IQGAP3: variants seen among roughly 807,000 people sequenced by gnomAD.
IQGAP3 encodes the protein IQ motif containing GTPase activating protein 3.
A neutral mutation model predicts 208.2 loss-of-function variants in IQGAP3; 165 were observed. The ratio of observed to expected loss-of-function variants is 0.79; its 90% CI spans 0.70 to 0.90. The LOEUF is 0.90. Among genes scored for constraint, IQGAP3 ranks in the 40% least tolerant of loss-of-function variants. The pLI is 0.00. For missense variants in IQGAP3, 1,811 were observed against 2,043.1 expected, an observed-to-expected ratio of 0.89 and a Z score of 2.19; for synonymous variants, 703 against 803.6, an observed-to-expected ratio of 0.87 and a Z score of 2.12.
At chr1:156,543,847 A>G in intron 22 of IQGAP3, 134 bp downstream of exon 22, 2 of 748,224 alleles carry the variant, frequency 2.7e-6, no homozygotes, top group Non-Finnish European at 4.7e-6. Flanking sequence ...CTCCTGTTCC[A>G]TGCTCCTGCA....
At chr1:156,539,344 T>TC in intron 25 of IQGAP3, 30 bp downstream of exon 25, 1 of 1,604,746 alleles carries the variant, frequency 6.2e-7, no homozygotes, top group Non-Finnish European at 8.5e-7. Flanking sequence ...ACCCATTCTC[T>TC]CCCCATTCCT....
At chr1:156,568,020 A>G (rs577089964) in intron 2 of IQGAP3, among the ~76,000 whole-genome samples, 2 of 152,360 alleles carry the variant, frequency 1.3e-5, no homozygotes, top group East Asian at 3.9e-4. Flanking sequence ...CCCAGATTGA[A>G]CTTAGCATCA....
chr1:156,564,670 C>T lies in IQGAP3; in HGVS notation c.382G>A (p.Asp128Asn). The T allele has an allele frequency of 6.2e-7, 1 of 1,613,828 alleles. No individual in the cohort carries two copies. Among genetic ancestry groups the T allele is most frequent in the Non-Finnish European group, 8.5e-7 (1 of 1,179,840 alleles). The change falls in exon 5 of 38, where the codon GAC becomes AAC. Residue 128 changes from aspartate (D) to asparagine (N), a missense_variant. Transcript: ENST00000361170. ...LPSTFFPETT[D>N]IYDKKNMPRV... ...GGCATGTTCTTTTTGTCATAGATGT[C>T]CGTGGTCTCTGGGAAGAAGGTCTAG... is the stretch of plus-strand genomic sequence containing the variant.
chr1:156,527,198 C>T (rs775658672), intron 37 of IQGAP3, among the ~76,000 whole-genome samples: 11 of 151,534 alleles, frequency 7.3e-5, no homozygotes, highest in East Asian at 2.0e-4. Context: ...AACTACTGCT[C>T]GGCTGGGCAT....
intron 26 of IQGAP3, 72 bp downstream of exon 26, chr1:156,538,737 G>T: frequency 7.5e-7 from 1 of 1,330,378 alleles, no homozygotes; most frequent in Non-Finnish European, 1.1e-6. Flanking sequence ...AGCTTCCCCA[G>T]TAGGGTCCAA....
chr1:156,543,823 G>T (rs140738603), intron 22 of IQGAP3, among the ~76,000 whole-genome samples, 158 bp downstream of exon 22: 1 of 152,324 alleles, frequency 6.6e-6, no homozygotes, highest in Non-Finnish European at 1.5e-5. Flanking sequence ...TGAGCAGGGG[G>T]GCTTTTGTTA....
rs1035122927 is a variant in IQGAP3, at chr1:156,548,505, A to T, written c.1994-18T>A. The T allele has an allele frequency of 6.2e-7, 1 of 1,611,630 alleles. No homozygotes were observed. Among genetic ancestry groups the T allele is most frequent in the Non-Finnish European group, 8.5e-7 (1 of 1,178,272 alleles). Reference sequence around the variant, plus strand: ...TGTGTCTGCTAAGCAGAAACCAAGCAAGCAGAAAAGGTTCAGAGCAGGCAA... The same window carrying T: ...TGTGTCTGCTAAGCAGAAACCAAGCTAGCAGAAAAGGTTCAGAGCAGGCAA... On this transcript the variant is annotated intron_variant, in intron 17 of 37. Transcript: ENST00000361170.
At position 156,530,992 on chromosome 1, in the gene IQGAP3, G is replaced by A. The variant is rs116091820; in HGVS notation, c.4191+168C>T. Among the ~76,000 whole-genome samples the A allele has an allele frequency of 4.8e-3, 733 of 152,306 alleles. 5 individuals are homozygous for A. The highest frequency in any genetic ancestry group is 0.017 in the African/African-American group (703 of 41,554). On this transcript the variant is annotated intron_variant, in intron 33 of 37. Transcript: ENST00000361170. ...TAGCCCGAGGCTTCCCAAGGCTAAA[G>A]CTGTATCCCTCATCCTGTAGGCCTC...
At chr1:156,547,822 G>A (rs1486612933) in intron 19 of IQGAP3, among the ~76,000 whole-genome samples, 1 of 152,174 alleles carries the variant, frequency 6.6e-6, no homozygotes, top group Non-Finnish European at 1.5e-5. Flanking sequence ...CCCATTTTCA[G>A]ATGAAAAGAC....
chr1:156,563,798 G>A lies in IQGAP3; in HGVS notation c.464C>T (p.Ala155Val). 2.5e-6 allele frequency: 4 copies of A among 1,613,970 alleles called. No homozygotes were observed. Among genetic ancestry groups the A allele is most frequent in the Non-Finnish European group, 3.4e-6 (4 of 1,179,956 alleles). ...CCCGTATAGATCATGTATCTGAGGG[G>A]CCAATCCCAGCCGGAAGAGGAAGAG... ...LSLFLFRLGL[A>V]PQIHDLYGKV... Residue 155 changes from alanine (A) to valine (V), a missense_variant, in exon 6 of 38, where the codon GCC (alanine) becomes GTC (valine). Transcript: ENST00000361170.
At chr1:156,563,365 G>GAGCGCAACCAGTAGC (rs1440719696) in intron 7 of IQGAP3, 53 bp from the exon 8 acceptor site, 3 of 1,528,908 alleles carry the variant, frequency 2.0e-6, no homozygotes, top group Admixed American at 2.0e-5. Flanking sequence ...TCCCAGATTG[G>GAGCGCAACCAGTAGC]AGCGCAACCA....
intron 13 of IQGAP3, among the ~76,000 whole-genome samples, chr1:156,553,735 C>G (rs1183463601): frequency 6.6e-6 from 1 of 152,122 alleles, no homozygotes; most frequent in Non-Finnish European, 1.5e-5. Context: ...GCATGTGCCA[C>G]CACGCCCGGC....
At chr1:156,537,476 A>G (rs1674746427) in intron 26 of IQGAP3, among the ~76,000 whole-genome samples, 155 bp from the exon 27 acceptor site, 1 of 152,196 alleles carries the variant, frequency 6.6e-6, no homozygotes, top group South Asian at 2.1e-4. Context: ...CCAGAATGAG[A>G]GAAAGGACTG....
intron 36 of IQGAP3, 39 bp from the exon 37 acceptor site, chr1:156,528,099 C>CT (rs1448855566): frequency 6.9e-7 from 1 of 1,457,556 alleles, no homozygotes; most frequent in Admixed American, 1.7e-5. Flanking sequence ...CCCACTGCCT[C>CT]TTTCCAGGGC....
chr1:156,550,648 C>T (rs1352829035), intron 15 of IQGAP3, among the ~76,000 whole-genome samples: 1 of 152,216 alleles, frequency 6.6e-6, no homozygotes, highest in African/African-American at 2.4e-5. Flanking sequence ...GCATCCACCA[C>T]CTTCTCAACA....
rs1557925268 is a variant in IQGAP3 at position 156,539,367 on chromosome 1, A to C, written c.3056+7T>G. On this transcript the variant is annotated splice_region_variant and intron_variant, in intron 25 of 37. Transcript: ENST00000361170. ...TCTCCCCATTCCTTTGTGTCTGGAG[A>C]GCCTACTTGATTTCCTCCTGGAGTG... is the stretch of plus-strand genomic sequence containing the variant. 6.2e-7 allele frequency: 1 copy of C among 1,612,754 alleles called. No homozygotes were observed. Among genetic ancestry groups the C allele is most frequent in the Non-Finnish European group, 8.5e-7 (1 of 1,179,564 alleles).
intron 37 of IQGAP3, among the ~76,000 whole-genome samples, chr1:156,526,968 G>A (rs1327948141): frequency 2.6e-5 from 4 of 151,878 alleles, no homozygotes; most frequent in African/African-American, 9.7e-5. Context: ...GAGTAGCTGG[G>A]ATTACAGGCA....
chr1:156,537,035 C>T, intron 27 of IQGAP3, 146 bp downstream of exon 27: 2 of 817,644 alleles, frequency 2.4e-6, no homozygotes, highest in Non-Finnish European at 3.8e-6. Context: ...TTCCCCACAT[C>T]TCTTCAGGAA....
Position 156,526,611 on chromosome 1 carries a change from G to C in IQGAP3, c.4783-12C>G. 1 of 1,587,918 alleles carries C rather than the reference G, an allele frequency of 6.3e-7. No individual in the cohort carries two copies. Among genetic ancestry groups the C allele is most frequent in the South Asian group, 1.1e-5 (1 of 90,550 alleles). Reference sequence around the variant, plus strand: ...AGCTGCAGGAGATCCTAGGAGGGAAGAGGCAGGGAGGGGAGTTTAAGGGCT... The same window carrying C: ...AGCTGCAGGAGATCCTAGGAGGGAACAGGCAGGGAGGGGAGTTTAAGGGCT... On this transcript the variant is annotated splice_polypyrimidine_tract_variant and intron_variant, in intron 37 of 37. Transcript: ENST00000361170.
Sources: gnomAD v4.1 joint callset for allele counts (sites outside exome capture counted in the v4.1 genomes callset) on GRCh38, gnomAD v4.1.1 for gene constraint, MANE v1.5 for transcripts, NCBI Gene and HGNC (gene_info 2026-07-23, HGNC 2026-07-21) for gene names.